KCTD5: variants seen among roughly 807,000 people sequenced by gnomAD.
KCTD5 encodes potassium channel tetramerization domain containing 5.
A neutral mutation model predicts 27.9 loss-of-function variants in KCTD5; 12 were observed. The ratio of observed to expected loss-of-function variants is 0.43; its 90% CI spans 0.28 to 0.70. KCTD5 has a LOEUF of 0.70. KCTD5 is among the 30% of genes least tolerant of loss of function. The pLI, the probability that KCTD5 is intolerant of heterozygous loss-of-function variation, is 0.19. For missense variants in KCTD5, 226 were observed against 274.8 expected (o/e 0.82, Z 1.26); for synonymous variants, 147 against 121.4 (o/e 1.21, Z -1.39).
At chr16:2,700,607 G>A (rs1013473116) in intron 4 of KCTD5, among the ~76,000 whole-genome samples, 2 of 151,416 alleles carry the variant, frequency 1.3e-5, no homozygotes, top group African/African-American at 4.8e-5. Context: ...CTGAGGGTGG[G>A]GACAGTGACC....
rs577092469 is a variant in KCTD5, at chr16:2,700,266, C to T, written c.549+350C>T. 3.3e-5 allele frequency among the ~76,000 whole-genome samples: 5 copies of T among 152,380 alleles called. No homozygotes were observed. The South Asian group carries it at 8.3e-4, about 25-fold the overall frequency. On this transcript the variant is annotated intron_variant, in intron 4 of 5. Transcript: ENST00000301738. The stretch of plus-strand genomic sequence containing the variant: ...CCAGCCCACTATCCAGCGCAATCCC[C>T]GTCCCCCACAGCTCACTCCATCGGA...
intron 5 of KCTD5, among the ~76,000 whole-genome samples, chr16:2,706,978 G>T (rs112753749): frequency 6.6e-6 from 1 of 152,078 alleles, no homozygotes; most frequent in African/African-American, 2.4e-5. Flanking sequence ...TGAGGGACCC[G>T]CGGGCCGAGT....
chr16:2,691,201 T>C (rs1214406087), intron 1 of KCTD5, among the ~76,000 whole-genome samples: 1 of 152,162 alleles, frequency 6.6e-6, no homozygotes, highest in East Asian at 1.9e-4. Context: ...AAATCTCTCA[T>C]TGAAAGCTTC....
chr16:2,682,966 C>T, intron 1 of KCTD5, 166 bp downstream of exon 1: 1 of 791,090 alleles, frequency 1.3e-6, no homozygotes, highest in Non-Finnish European at 1.8e-6. Context: ...TTGCCCCGAT[C>T]CCCTACCCTG....
At chr16:2,701,124 T>C (rs751023349) in intron 4 of KCTD5, among the ~76,000 whole-genome samples, 3 of 152,254 alleles carry the variant, frequency 2.0e-5, no homozygotes, top group Non-Finnish European at 4.4e-5. Flanking sequence ...TTGTGACTTC[T>C]GGCTGGGAGG....
intron 1 of KCTD5, among the ~76,000 whole-genome samples, chr16:2,685,326 G>A (rs2067536125): frequency 6.6e-6 from 1 of 152,076 alleles, no homozygotes; most frequent in African/African-American, 2.4e-5. Context: ...TACTCGGGAG[G>A]CTGAGGCAGG....
Position 2,702,441 on chromosome 16 carries a change from C to A in KCTD5, c.638C>A (p.Pro213Gln), listed in dbSNP as rs750284506. 1 of 1,613,210 alleles carries A rather than the reference C, an allele frequency of 6.2e-7. No individual in the cohort carries two copies. The highest frequency in any genetic ancestry group is 1.3e-5 in the African/African-American group (1 of 74,910). ...CVVSKELHNT[P>Q]YGTASEPSEK... ...GTGTCCAAGGAGCTGCACAACACCC[C>A]GTACGGTACGGCCAGCGAGCCCAGC... Residue 213 changes from proline (P) to glutamine (Q), a missense_variant, in exon 5 of 6, where the codon CCG (proline) becomes CAG (glutamine). Transcript: ENST00000301738.
intron 5 of KCTD5, among the ~76,000 whole-genome samples, chr16:2,705,355 G>A (rs2067630966): frequency 6.6e-6 from 1 of 152,212 alleles, no homozygotes; most frequent in Admixed American, 6.5e-5. Context: ...GTTGCTGTGA[G>A]GCAGATGCCC....
At chr16:2,685,252 C>G (rs2142050814) in intron 1 of KCTD5, among the ~76,000 whole-genome samples, 1 of 151,558 alleles carries the variant, frequency 6.6e-6, no homozygotes. Context: ...ATGGCAAAAC[C>G]CCGTCTCTAC....
intron 4 of KCTD5, among the ~76,000 whole-genome samples, chr16:2,701,387 C>T (rs1024066598): frequency 6.6e-6 from 1 of 152,180 alleles, no homozygotes; most frequent in Non-Finnish European, 1.5e-5. Flanking sequence ...GTGGCCAGAC[C>T]GGACCCAGGG....
chr16:2,689,896 G>C (rs2067557713), intron 1 of KCTD5, among the ~76,000 whole-genome samples: 2 of 152,120 alleles, frequency 1.3e-5, no homozygotes, highest in South Asian at 4.1e-4. Flanking sequence ...GGCTGGTGTT[G>C]AACTCCTCAC....
At chr16:2,701,242 C>T (rs2067610701) in intron 4 of KCTD5, among the ~76,000 whole-genome samples, 2 of 152,246 alleles carry the variant, frequency 1.3e-5, no homozygotes, top group Admixed American at 1.3e-4. Flanking sequence ...GAACGGGTGT[C>T]CTCCCCCTTC....
intron 1 of KCTD5, among the ~76,000 whole-genome samples, chr16:2,685,049 C>G (rs1240635926): frequency 6.6e-6 from 1 of 152,218 alleles, no homozygotes; most frequent in Non-Finnish European, 1.5e-5. Context: ...ATCCATTTAA[C>G]CAGGTTTGAT....
chr16:2,692,016 G>T (rs867199166), intron 1 of KCTD5, among the ~76,000 whole-genome samples: 1 of 152,178 alleles, frequency 6.6e-6, no homozygotes, highest in South Asian at 2.1e-4. Context: ...TGGTCCCTCT[G>T]TCAGGAGCCT....
chr16:2,687,664 C>G (rs2067545983), intron 1 of KCTD5, among the ~76,000 whole-genome samples: 1 of 152,226 alleles, frequency 6.6e-6, no homozygotes, highest in African/African-American at 2.4e-5. Context: ...CTGGTCTCGC[C>G]CCGGCCCTGT....
chr16:2,691,259 C>A (rs143141254), intron 1 of KCTD5, among the ~76,000 whole-genome samples: 4 of 152,260 alleles, frequency 2.6e-5, no homozygotes, highest in African/African-American at 4.8e-5. Flanking sequence ...ACTGCCTCCC[C>A]GCCCTGGTGC....
chr16:2,692,913 C>G (rs1333083824), intron 1 of KCTD5, among the ~76,000 whole-genome samples: 1 of 152,262 alleles, frequency 6.6e-6, no homozygotes, highest in Non-Finnish European at 1.5e-5. Context: ...TGCAGGGATG[C>G]CTGAGGCTGT....
chr16:2,707,627 G>A lies in KCTD5; in HGVS notation c.*300G>A, dbSNP rs1356184464. ...TGAGGCAGACACTCCCAGTCAGCCCGCTCGATCCTGAAGATCGTGTGAAGG... is the reference window on the plus strand; with the variant it reads ...TGAGGCAGACACTCCCAGTCAGCCCACTCGATCCTGAAGATCGTGTGAAGG... On this transcript the variant is annotated 3_prime_UTR_variant, in exon 6 of 6. Transcript: ENST00000301738. The A allele has an allele frequency of 3.3e-5, 20 of 600,360 alleles. No homozygotes were observed. Among genetic ancestry groups the A allele is most frequent in the Non-Finnish European group, 4.1e-5 (14 of 337,356 alleles). The allele number at this position is 600,360 out of a possible 1,614,324, so 37.2% of individuals were successfully genotyped here.
chr16:2,700,399 C>T (rs1235831546), intron 4 of KCTD5, among the ~76,000 whole-genome samples: 1 of 152,202 alleles, frequency 6.6e-6, no homozygotes, highest in East Asian at 1.9e-4. Context: ...CAAGCTGCGG[C>T]GGGTGGGGTC....
Sources: allele counts gnomAD v4.1 joint callset (sites outside exome capture counted in the v4.1 genomes callset), GRCh38; gene constraint gnomAD v4.1.1; transcripts MANE v1.5; gene names NCBI Gene and HGNC (gene_info 2026-07-23, HGNC 2026-07-21).